The following DOCK1 variants were observed in gnomAD, a reference collection of about 807,000 sequenced individuals.
The protein encoded by DOCK1 is dedicator of cytokinesis 1, also known as dedicator of cytokinesis protein 1.
A neutral mutation model predicts 262.7 loss-of-function variants in DOCK1; 138 were observed. The ratio of observed to expected loss-of-function variants is 0.53; its 90% CI spans 0.46 to 0.61. The LOEUF is 0.61. Among genes scored for constraint, DOCK1 ranks in the 20% least tolerant of loss-of-function variants. The pLI, the probability that DOCK1 is intolerant of heterozygous loss-of-function variation, is 0.00. For missense variants in DOCK1, 1,908 were observed against 2,370.7 expected, an observed-to-expected ratio of 0.80 and a Z score of 4.05; for synonymous variants, 866 against 867.4, an observed-to-expected ratio of 1.00 and a Z score of 0.03.
Position 127,093,198 on chromosome 10 carries a change from T to TTTTCTTTCTTTCTTTCTTTC in DOCK1, c.2446-13029_2446-13010dup, listed in dbSNP as rs71490109. The stretch of plus-strand genomic sequence containing the variant: ...CTTTGCATCTGAATCTCCCTCTCCT[T>TTTTCTTTCTTTCTTTCTTTC]TTTCTTTCTTTCTTTCTTTCTTTTC... On this transcript the variant is annotated intron_variant, in intron 23 of 51. Coordinates refer to ENST00000623213, the MANE Select transcript of DOCK1 (RefSeq NM_001290223.2). Among the ~76,000 whole-genome samples the TTTTCTTTCTTTCTTTCTTTC allele has an allele frequency of 7.8e-3, 721 of 92,440 alleles. 26 individuals are homozygous for TTTTCTTTCTTTCTTTCTTTC. The highest frequency in any genetic ancestry group is 0.049 in the East Asian group (184 of 3,730). 60.6% of individuals were successfully genotyped at this position (92,440 alleles called of 152,430 possible). A position where few individuals can be genotyped will look rare whatever the true frequency, so the allele number is the denominator to read the frequency against.
intron 27 of DOCK1, among the ~76,000 whole-genome samples, chr10:127,244,393 T>G (rs2134735299): frequency 6.6e-6 from 1 of 152,348 alleles, no homozygotes; most frequent in South Asian, 2.1e-4. Context: ...AATTACTTCC[T>G]TTGGTAGATT....
At chr10:126,915,735 G>A (rs1024238471) in intron 1 of DOCK1, among the ~76,000 whole-genome samples, 11 of 152,174 alleles carry the variant, frequency 7.2e-5, no homozygotes, top group East Asian at 1.9e-4. Flanking sequence ...ACAGGCGTGA[G>A]CCACCGTGCC....
intron 23 of DOCK1, among the ~76,000 whole-genome samples, chr10:127,081,702 G>T (rs887629863): frequency 5.9e-5 from 9 of 152,160 alleles, no homozygotes; most frequent in Non-Finnish European, 1.2e-4. Flanking sequence ...TCCTGGTTCA[G>T]AACAGGCAGT....
At chr10:127,251,922 G>A (rs918812601) in intron 28 of DOCK1, among the ~76,000 whole-genome samples, 7 of 151,806 alleles carry the variant, frequency 4.6e-5, no homozygotes, top group African/African-American at 1.5e-4. Context: ...GGGTCAAATG[G>A]TATTTCTAGT....
chr10:127,231,076 C>T (rs925057801), intron 27 of DOCK1, among the ~76,000 whole-genome samples: 11 of 152,026 alleles, frequency 7.2e-5, no homozygotes, highest in Non-Finnish European at 1.2e-4. Flanking sequence ...TTTTATCACA[C>T]GTTTGATTAC....
chr10:126,976,242 C>G (rs2089769769), intron 2 of DOCK1, among the ~76,000 whole-genome samples: 1 of 152,180 alleles, frequency 6.6e-6, no homozygotes, highest in Non-Finnish European at 1.5e-5. Context: ...ATATGGCTAT[C>G]AGGAGATAAT....
At chr10:127,102,783 T>C (rs1347647393) in intron 23 of DOCK1, among the ~76,000 whole-genome samples, 1 of 152,168 alleles carries the variant, frequency 6.6e-6, no homozygotes, top group Non-Finnish European at 1.5e-5. Context: ...GAAGTTGTAG[T>C]GAGCCAAGAT....
At chr10:126,977,883 G>A in intron 2 of DOCK1, 65 bp from the exon 3 acceptor site, 1 of 1,496,992 alleles carries the variant, frequency 6.7e-7, no homozygotes, top group Non-Finnish European at 9.3e-7. Flanking sequence ...TACACATCAT[G>A]AATGTATTGT....
chr10:126,913,526 G>A (rs1564978957), intron 1 of DOCK1, among the ~76,000 whole-genome samples: 3 of 152,152 alleles, frequency 2.0e-5, no homozygotes, highest in Admixed American at 6.5e-5. Flanking sequence ...TCAGAAAAGC[G>A]CTTTAATATC....
intron 12 of DOCK1, among the ~76,000 whole-genome samples, chr10:127,015,764 T>G (rs2041828894): frequency 6.6e-6 from 1 of 152,080 alleles, no homozygotes; most frequent in Non-Finnish European, 1.5e-5. Flanking sequence ...CCTGCTGCGA[T>G]TCCATCCCCA....
Position 127,186,611 on chromosome 10 carries a change from G to C in DOCK1, c.2847+58847G>C, listed in dbSNP as rs1279152472. Among the ~76,000 whole-genome samples the C allele has an allele frequency of 5.3e-5, 8 of 150,366 alleles. No homozygotes were observed. The East Asian group carries it at 1.6e-3, about 30-fold the overall frequency. On this transcript the variant is annotated intron_variant, in intron 27 of 51. Transcript: ENST00000623213. Reference sequence around the variant, plus strand: ...GAGGTGAGATTTGGGTGGGGACAGAGAGCCAAACCGTATCAGAGGGGCATA... The same window carrying C: ...GAGGTGAGATTTGGGTGGGGACAGACAGCCAAACCGTATCAGAGGGGCATA...
chr10:127,036,204 A>G (rs2043602837), intron 18 of DOCK1, among the ~76,000 whole-genome samples: 1 of 152,174 alleles, frequency 6.6e-6, no homozygotes, highest in Non-Finnish European at 1.5e-5. Context: ...GGTTCAGATG[A>G]GAACACTGAG....
chr10:127,076,145 T>C (rs529815028), intron 23 of DOCK1, among the ~76,000 whole-genome samples: 2 of 148,132 alleles, frequency 1.4e-5, no homozygotes, highest in East Asian at 1.9e-4. Flanking sequence ...TGCTGATAAA[T>C]TGAGAACTTC....
intron 27 of DOCK1, among the ~76,000 whole-genome samples, chr10:127,243,119 G>A (rs1348034886): frequency 6.6e-6 from 1 of 152,146 alleles, no homozygotes; most frequent in Non-Finnish European, 1.5e-5. Flanking sequence ...AAATTACCAG[G>A]AGCAATTTTA....
In DOCK1 at chr10:127,012,912, GGGCTGCCAGGAA is replaced by G. The variant is rs1182869039; in HGVS notation, c.1201+539_1201+550del. 2.6e-5 allele frequency among the ~76,000 whole-genome samples: 4 copies of G among 152,162 alleles called. No individual in the cohort carries two copies. The highest frequency in any genetic ancestry group is 9.7e-5 in the African/African-American group (4 of 41,446). On this transcript the variant is annotated intron_variant, in intron 12 of 51. Coordinates refer to ENST00000623213, the MANE Select transcript of DOCK1 (RefSeq NM_001290223.2). The surrounding 1 kb of genome is among the most constrained non-coding windows in gnomAD (Gnocchi z 4.0). ...ACAGTTGGCACTTGGCTGGCCAGGAGGGCTGCCAGGAAACAACTGTGACTGAGGCCCCGCCTC... is the reference window on the plus strand; with the variant it reads ...ACAGTTGGCACTTGGCTGGCCAGGAGACAACTGTGACTGAGGCCCCGCCTC...
At position 127,418,532 on chromosome 10, in the gene DOCK1, C is replaced by G. The variant is rs2134464500; in HGVS notation, c.4683C>G (p.Asn1561Lys). ...VDPAVMGGFA[N>K]YEKAFFTDRY... Reference sequence around the variant, plus strand: ...CAGCTGTCATGGGGGGCTTCGCAAACTACGAAAAGGTACGGGACCCACCAG... The same window carrying G: ...CAGCTGTCATGGGGGGCTTCGCAAAGTACGAAAAGGTACGGGACCCACCAG... The change falls in exon 45 of 52, where the codon AAC becomes AAG. Residue 1561 changes from asparagine to lysine, a missense_variant. Asn to Lys is a moderately conservative substitution (Grantham distance 94). Around this residue, in one of 9 missense-constraint regions of DOCK1, gnomAD observed 57 missense variants for 103.1 expected, o/e 0.55. Transcript: ENST00000623213. The G allele has an allele frequency of 1.2e-6, 2 of 1,613,486 alleles. No homozygotes were observed. The highest frequency in any genetic ancestry group is 1.1e-5 in the South Asian group (1 of 90,986).
intron 23 of DOCK1, among the ~76,000 whole-genome samples, chr10:127,077,364 C>T (rs2046628748): frequency 6.6e-6 from 1 of 152,104 alleles, no homozygotes; most frequent in Non-Finnish European, 1.5e-5. Context: ...CACTGCACTC[C>T]AGCCTAGGTG....
At chr10:127,272,651 A>G (rs1033507541) in intron 29 of DOCK1, among the ~76,000 whole-genome samples, 1 of 152,228 alleles carries the variant, frequency 6.6e-6, no homozygotes, top group South Asian at 2.1e-4. Flanking sequence ...AGGTTTGGCA[A>G]AGAGGTTGGA....
intron 23 of DOCK1, among the ~76,000 whole-genome samples, chr10:127,081,867 AATG>A (rs1219145234): frequency 6.6e-6 from 1 of 152,120 alleles, no homozygotes; most frequent in Non-Finnish European, 1.5e-5. Flanking sequence ...AAATGTCCCA[AATG>A]TCCTCTCGTC....
Sources: allele counts gnomAD v4.1 joint callset (sites outside exome capture counted in the v4.1 genomes callset), GRCh38; gene constraint gnomAD v4.1.1; regional missense constraint gnomAD v4.1.1; non-coding constraint Gnocchi (gnomAD v3.1); transcripts MANE v1.5; gene names NCBI Gene and HGNC (gene_info 2026-07-23, HGNC 2026-07-21).